NOVA2: variants seen among roughly 807,000 people sequenced by gnomAD.
NOVA2 encodes RNA-binding protein Nova-2.
In NOVA2, 9 loss-of-function variants were observed where a neutral mutation model predicts 22.5. That is an observed-to-expected ratio of 0.40 (90% CI 0.24 to 0.70). The LOEUF is 0.70. Among genes scored for constraint, NOVA2 ranks in the 30% least tolerant of loss-of-function variants. NOVA2 has a pLI of 0.38. For synonymous variants in NOVA2, 318 were observed against 335.2 expected, an observed-to-expected ratio of 0.95 and a Z score of 0.56; for missense variants, 383 against 682.8, an observed-to-expected ratio of 0.56 and a Z score of 4.89.
rs1967695145 is a variant in NOVA2 at position 45,938,744 on chromosome 19, A to G, written c.*1119T>C. ...CCCGTGCCTTATTCTCTTCCTAGGAAGACCCCCAGGCCAACACCCACCAAA... is the reference window on the plus strand; with the variant it reads ...CCCGTGCCTTATTCTCTTCCTAGGAGGACCCCCAGGCCAACACCCACCAAA... On this transcript the variant is annotated 3_prime_UTR_variant, in exon 4 of 4. Transcript: ENST00000263257. 6.6e-6 allele frequency: 1 copy of G among 152,206 alleles called. No homozygotes were observed. Among genetic ancestry groups the G allele is most frequent in the Non-Finnish European group, 1.5e-5 (1 of 68,042 alleles). The allele number at this position is 152,206 out of a possible 1,614,324, so 9.4% of individuals were successfully genotyped here.
intron 2 of NOVA2, among the ~76,000 whole-genome samples, chr19:45,954,865 TGTGTG>T (rs1568667128): frequency 6.7e-6 from 1 of 150,078 alleles, no homozygotes; most frequent in African/African-American, 2.5e-5. Flanking sequence ...GGTGTGTGTG[TGTGTG>T]TGTGTGTGTG....
chr19:45,970,999 G>A (rs1347098789), intron 1 of NOVA2, among the ~76,000 whole-genome samples: 1 of 152,106 alleles, frequency 6.6e-6, no homozygotes, highest in Non-Finnish European at 1.5e-5. Context: ...CAGAGGTTAC[G>A]TCCAGGAGCT....
chr19:45,961,076 T>C lies in NOVA2; in HGVS notation c.163A>G (p.Ile55Val), dbSNP rs1390980881. 3.8e-6 allele frequency: 6 copies of C among 1,587,156 alleles called. No homozygotes were observed. The East Asian group carries it at 9.1e-5, about 24-fold the overall frequency. ...CCGGTCTCCTTCTGCAGCTGCACGA[T>C]GGTCTGCCCGCCCTTGCCAATGATG... is the stretch of plus-strand genomic sequence containing the variant. ...GSIIGKGGQT[I>V]VQLQKETGAT... The change falls in exon 2 of 4, where the codon ATC becomes GTC. Residue 55 changes from isoleucine (I) to valine (V), a missense_variant. Coordinates refer to ENST00000263257, the MANE Select transcript of NOVA2 (RefSeq NM_002516.4).
intron 3 of NOVA2, among the ~76,000 whole-genome samples, chr19:45,945,447 T>G (rs1251010949): frequency 6.6e-6 from 1 of 152,228 alleles, no homozygotes; most frequent in Non-Finnish European, 1.5e-5. Flanking sequence ...TATTTTATGT[T>G]TCTCTTTTTT....
At chr19:45,955,445 G>A (rs528710713) in intron 2 of NOVA2, among the ~76,000 whole-genome samples, 8 of 152,302 alleles carry the variant, frequency 5.3e-5, no homozygotes, top group Non-Finnish European at 1.0e-4. Context: ...GCGAGACAAA[G>A]AAAACTTGAC....
At chr19:45,948,456 C>T (rs958501960) in intron 3 of NOVA2, among the ~76,000 whole-genome samples, 1 of 151,660 alleles carries the variant, frequency 6.6e-6, no homozygotes, top group African/African-American at 2.4e-5. Flanking sequence ...AAAAATTAGC[C>T]AGGTGTGGTG....
rs1465768425 is a variant in NOVA2 at position 45,940,105 on chromosome 19, C to A, written c.1237G>T (p.Val413Leu). The change falls in exon 4 of 4, where the codon GTG (valine) becomes TTG (leucine). Residue 413 changes from valine (V) to leucine (L), a missense_variant. Val to Leu is a conservative substitution (Grantham distance 32, BLOSUM62 1). Around this residue, in one of 2 missense-constraint regions of NOVA2, gnomAD observed 349 missense variants for 578.1 expected, o/e 0.60. Coordinates refer to ENST00000263257, the MANE Select transcript of NOVA2 (RefSeq NM_002516.4). Reference sequence around the variant, plus strand: ...ATGGCTCCCACCAGGTTCTCAGGCACCGCAATCTCCACCAGCTCCTTGGCA... The same window carrying A: ...ATGGCTCCCACCAGGTTCTCAGGCAACGCAATCTCCACCAGCTCCTTGGCA... ...ESAKELVEIA[V>L]PENLVGAILG... 1 of 1,613,576 alleles carries A rather than the reference C, an allele frequency of 6.2e-7. No individual in the cohort carries two copies.
chr19:45,954,661 G>A (rs1967976846), intron 2 of NOVA2, among the ~76,000 whole-genome samples: 1 of 152,092 alleles, frequency 6.6e-6, no homozygotes, highest in Admixed American at 6.6e-5. Context: ...AGGAACTGGG[G>A]AGGGAGGGTC....
intron 3 of NOVA2, among the ~76,000 whole-genome samples, chr19:45,949,503 A>G (rs1458063258): frequency 1.3e-5 from 2 of 152,128 alleles, no homozygotes; most frequent in Non-Finnish European, 2.9e-5. Flanking sequence ...ATCATGTGGG[A>G]AAAATAAAGT....
At chr19:45,966,370 A>T (rs746920705) in intron 1 of NOVA2, among the ~76,000 whole-genome samples, 20 of 152,202 alleles carry the variant, frequency 1.3e-4, no homozygotes, top group Non-Finnish European at 4.4e-5. Context: ...TGCAGCAGGG[A>T]ACAGACAAGG....
chr19:45,959,483 A>C (rs1247158939), intron 2 of NOVA2, among the ~76,000 whole-genome samples: 1 of 152,172 alleles, frequency 6.6e-6, no homozygotes, highest in Non-Finnish European at 1.5e-5. Flanking sequence ...CTCGTGGCAC[A>C]GAATGTGATC....
chr19:45,964,587 C>CTCTCTCTT (rs1330929033), intron 1 of NOVA2, among the ~76,000 whole-genome samples: 1 of 151,676 alleles, frequency 6.6e-6, no homozygotes. Context: ...CTCTCTCTTT[C>CTCTCTCTT]TCTTTCTCTG....
chr19:45,955,432 A>T (rs1967990014), intron 2 of NOVA2, among the ~76,000 whole-genome samples: 1 of 152,182 alleles, frequency 6.6e-6, no homozygotes, highest in Non-Finnish European at 1.5e-5. Context: ...CATGTGAATT[A>T]CAGCGAGACA....
intron 3 of NOVA2, 104 bp from the exon 4 acceptor site, chr19:45,941,049 G>A (rs1035485149): frequency 6.5e-6 from 7 of 1,084,748 alleles, no homozygotes; most frequent in African/African-American, 4.8e-5. Flanking sequence ...CAGCACTTTG[G>A]GGGGCTGAGG....
At chr19:45,954,312 C>T (rs79651562) in intron 2 of NOVA2, among the ~76,000 whole-genome samples, 30 of 152,290 alleles carry the variant, frequency 2.0e-4, no homozygotes, top group Non-Finnish European at 3.5e-4. Flanking sequence ...TCACTCACTC[C>T]GCCCCCCTCC....
At position 45,940,415 on chromosome 19, in the gene NOVA2, C is replaced by T. The variant is rs1407609908; in HGVS notation, c.927G>A (p.Leu309=). The T allele has an allele frequency of 6.8e-7, 1 of 1,479,050 alleles. No individual in the cohort carries two copies. Among genetic ancestry groups the T allele is most frequent in the Admixed American group, 2.2e-5 (1 of 45,168 alleles). 91.6% of individuals were successfully genotyped at this position (1,479,050 alleles called of 1,614,324 possible). The part of the protein sequence containing the change: ...GLNSAAASGV[L]AAVAAGANPA... ...GGTTGGCCCCGGCGGCCACGGCGGC[C>T]AGGACGCCGGAAGCTGCGGCCGAGT... Residue 309 remains leucine, a synonymous_variant, in exon 4 of 4, where the codon CTG becomes CTA. Transcript: ENST00000263257.
Position 45,939,606 on chromosome 19 carries a change from C to CA in NOVA2, c.*256dup. The stretch of plus-strand genomic sequence containing the variant: ...ACCTGGGCCCTGGGACAGGAAGGGT[C>CA]AGGCCCAGCCAAGCACAGGGAGGGA... On this transcript the variant is annotated 3_prime_UTR_variant, in exon 4 of 4. Transcript: ENST00000263257. 1.9e-6 allele frequency: 1 copy of CA among 534,798 alleles called. No homozygotes were observed. The allele number at this position is 534,798 out of a possible 1,614,324, so 33.1% of individuals were successfully genotyped here.
rs1030599374 is a variant in NOVA2, at chr19:45,958,530, A to T, written c.229+2480T>A. Among the ~76,000 whole-genome samples, 296 of 134,360 alleles carry T rather than the reference A, an allele frequency of 2.2e-3. 1 individual carries two copies. The highest frequency in any genetic ancestry group is 8.8e-3 in the African/African-American group (274 of 31,280). The allele number at this position is 134,360 out of a possible 152,430, so 88.1% of individuals were successfully genotyped here. A position where few individuals can be genotyped will look rare whatever the true frequency, so the allele number is the denominator to read the frequency against. ...GTAAGCATGTGTGACAATGTGTGACAGTGTGTGTGACTGTGTGTAAGCGTG... is the reference window on the plus strand; with the variant it reads ...GTAAGCATGTGTGACAATGTGTGACTGTGTGTGTGACTGTGTGTAAGCGTG... On this transcript the variant is annotated intron_variant, in intron 2 of 3. Coordinates refer to ENST00000263257, the MANE Select transcript of NOVA2 (RefSeq NM_002516.4).
chr19:45,955,588 G>A (rs1408914829), intron 2 of NOVA2, among the ~76,000 whole-genome samples: 2 of 152,030 alleles, frequency 1.3e-5, no homozygotes, highest in East Asian at 1.9e-4. Context: ...GGCCGGGTGC[G>A]GTGGCTCACG....
Sources: gnomAD v4.1 joint callset for allele counts (sites outside exome capture counted in the v4.1 genomes callset) on GRCh38, gnomAD v4.1.1 for gene constraint, gnomAD v4.1.1 regional missense constraint, MANE v1.5 for transcripts, NCBI Gene and HGNC (gene_info 2026-07-23, HGNC 2026-07-21) for gene names.